Variants in KCNK10 observed in about 807,000 individuals in gnomAD.
KCNK10 encodes the protein potassium channel subfamily K member 10.
A neutral mutation model predicts 47.7 loss-of-function variants in KCNK10; 25 were observed. The ratio of observed to expected loss-of-function variants is 0.52; its 90% CI spans 0.38 to 0.73. The LOEUF (loss-of-function observed/expected upper bound fraction) is 0.73. Among genes scored for constraint, KCNK10 ranks in the 30% least tolerant of loss-of-function variants. KCNK10 has a pLI of 0.00. For synonymous variants in KCNK10, 303 were observed against 285.6 expected (o/e 1.06, Z -0.61); for missense variants, 563 against 714.5 (o/e 0.79, Z 2.42).
intron 1 of KCNK10, among the ~76,000 whole-genome samples, chr14:88,319,640 T>C (rs1217554128): frequency 6.6e-6 from 1 of 152,132 alleles, no homozygotes; most frequent in Non-Finnish European, 1.5e-5. Context: ...CTTCCTCCTC[T>C]CTCTTCCTCT....
intron 2 of KCNK10, among the ~76,000 whole-genome samples, chr14:88,250,279 C>T (rs191812961): frequency 7.4e-4 from 112 of 152,250 alleles, no homozygotes; most frequent in Admixed American, 6.3e-3. Context: ...AATAATGACT[C>T]GGAGGCCTGT....
At chr14:88,225,242 C>T (rs939025104) in intron 4 of KCNK10, among the ~76,000 whole-genome samples, 10 of 152,240 alleles carry the variant, frequency 6.6e-5, no homozygotes, top group African/African-American at 1.4e-4. Context: ...TGCTTACATT[C>T]CCCCTGGAAT....
intron 1 of KCNK10, among the ~76,000 whole-genome samples, chr14:88,264,118 C>T (rs191276095): frequency 3.9e-5 from 6 of 152,286 alleles, no homozygotes; most frequent in Admixed American, 3.3e-4. Flanking sequence ...TAGGCATAAC[C>T]ACTCCTGATC....
chr14:88,231,953 T>TCTA (rs1194913606), intron 3 of KCNK10, among the ~76,000 whole-genome samples: 1 of 152,228 alleles, frequency 6.6e-6, no homozygotes, highest in Non-Finnish European at 1.5e-5. Context: ...CTATACACAT[T>TCTA]CTACCTAATA....
intron 4 of KCNK10, among the ~76,000 whole-genome samples, chr14:88,203,746 C>T (rs1885175154): frequency 6.6e-6 from 1 of 152,178 alleles, no homozygotes; most frequent in Non-Finnish European, 1.5e-5. Flanking sequence ...GATCTGTCAC[C>T]TGCAGAAGGT....
At chr14:88,287,697 G>A (rs1166613649) in intron 1 of KCNK10, among the ~76,000 whole-genome samples, 1 of 83,626 alleles carries the variant, frequency 1.2e-5, no homozygotes, top group South Asian at 4.3e-4. Context: ...GTGTGTGTGT[G>A]TGTGTGTGTG....
chr14:88,314,920 A>C (rs1888397026), intron 1 of KCNK10, among the ~76,000 whole-genome samples: 1 of 152,336 alleles, frequency 6.6e-6, no homozygotes, highest in Admixed American at 6.5e-5. Context: ...AAATGAAGCA[A>C]TGTTCCCAAA....
At chr14:88,226,812 T>A (rs1479324938) in intron 4 of KCNK10, among the ~76,000 whole-genome samples, 1 of 152,162 alleles carries the variant, frequency 6.6e-6, no homozygotes, top group African/African-American at 2.4e-5. Flanking sequence ...ATAGCAATCA[T>A]CAACAGTTCA....
chr14:88,187,267 C>A (rs1884596524), intron 6 of KCNK10, among the ~76,000 whole-genome samples: 1 of 151,220 alleles, frequency 6.6e-6, no homozygotes, highest in Non-Finnish European at 1.5e-5. Flanking sequence ...TTTTTCTTAT[C>A]TCCCTTCCTT....
At chr14:88,278,909 G>T (rs1317855800) in intron 1 of KCNK10, among the ~76,000 whole-genome samples, 9 of 152,174 alleles carry the variant, frequency 5.9e-5, no homozygotes, top group Admixed American at 5.2e-4. Context: ...GTCTGCCATT[G>T]GGAGATTTTT....
At chr14:88,211,613 T>C (rs533513628) in intron 4 of KCNK10, among the ~76,000 whole-genome samples, 2 of 152,178 alleles carry the variant, frequency 1.3e-5, no homozygotes, top group Middle Eastern at 6.8e-3. Flanking sequence ...AAAGAAAACT[T>C]CTGGCCAGGC....
In KCNK10 at chr14:88,180,855, A is replaced by C. The variant is rs1884322603; in HGVS notation, c.*4680T>G. The C allele has an allele frequency of 7.5e-6, 3 of 398,626 alleles. No homozygotes were observed. Among genetic ancestry groups the C allele is most frequent in the Admixed American group, 4.4e-5 (1 of 22,716 alleles). 24.7% of individuals were successfully genotyped at this position (398,626 alleles called of 1,614,324 possible). ...AGCCATGTAATTAGCATGCTGTTCCAAAGTTTCCCTATGCAGAATTAACAG... is the reference window on the plus strand; with the variant it reads ...AGCCATGTAATTAGCATGCTGTTCCCAAGTTTCCCTATGCAGAATTAACAG... On this transcript the variant is annotated 3_prime_UTR_variant, in exon 7 of 7. Coordinates refer to ENST00000319231, the MANE Select transcript of KCNK10 (RefSeq NM_138317.3).
chr14:88,257,181 CCTT>C (rs1197936290), intron 2 of KCNK10, among the ~76,000 whole-genome samples: 2 of 152,156 alleles, frequency 1.3e-5, no homozygotes, highest in Non-Finnish European at 2.9e-5. Context: ...AACTGGTCTT[CCTT>C]CTTCCCGTTT....
rs112027803 is a variant in KCNK10 at position 88,237,422 on chromosome 14, G to A, written c.520+3281C>T. On this transcript the variant is annotated intron_variant, in intron 3 of 6. Coordinates refer to ENST00000319231, the MANE Select transcript of KCNK10 (RefSeq NM_138317.3). ...TGACCTCTTCCAATTCATCACAAAT[G>A]TTCTTAATGGCATCTACAATGATGA... is the stretch of plus-strand genomic sequence containing the variant. Among the ~76,000 whole-genome samples the A allele has an allele frequency of 9.3e-3, 1,421 of 152,268 alleles. 30 individuals are homozygous for A. The highest frequency in any genetic ancestry group is 0.033 in the African/African-American group (1,354 of 41,548).
At chr14:88,326,439 G>T (rs753709320), upstream of KCNK10, 12 of 1,613,462 alleles carry the variant, frequency 7.4e-6, no homozygotes, top group Non-Finnish European at 1.0e-5. Context: ...AAAGAAGTCT[G>T]TGTAGAGAAA....
chr14:88,301,933 C>T (rs920718484), intron 1 of KCNK10, among the ~76,000 whole-genome samples: 2 of 152,102 alleles, frequency 1.3e-5, no homozygotes, highest in Non-Finnish European at 2.9e-5. Context: ...CACGGAGGAT[C>T]AATTATTGGG....
At chr14:88,326,190 C>CCA (rs79450402), upstream of KCNK10, among the ~76,000 whole-genome samples, 93 of 134,270 alleles carry the variant, frequency 6.9e-4, no homozygotes, top group African/African-American at 2.6e-3. Context: ...CGCCCCCCCC[C>CCA]AAAAAAAAAT....
chr14:88,307,628 A>C (rs1209066372), intron 1 of KCNK10, among the ~76,000 whole-genome samples: 1 of 152,216 alleles, frequency 6.6e-6, no homozygotes, highest in Non-Finnish European at 1.5e-5. Flanking sequence ...ATCTTAATAA[A>C]GCTCTTATTT....
intron 4 of KCNK10, among the ~76,000 whole-genome samples, chr14:88,194,933 C>T (rs537978901): frequency 3.9e-5 from 6 of 152,046 alleles, no homozygotes; most frequent in Admixed American, 2.6e-4. Flanking sequence ...TGTGTATACC[C>T]ATACTTTGCT....
Sources: allele counts gnomAD v4.1 joint callset (sites outside exome capture counted in the v4.1 genomes callset), GRCh38; gene constraint gnomAD v4.1.1; transcripts MANE v1.5; gene names NCBI Gene and HGNC (gene_info 2026-07-23, HGNC 2026-07-21).